ANKRD27: variants seen among roughly 807,000 people sequenced by gnomAD.
ANKRD27 encodes the protein ankyrin repeat domain-containing protein 27.
ANKRD27 carries 112 observed loss-of-function variants against 129.7 expected under a neutral mutation model. The observed-to-expected ratio is 0.86, with a 90% confidence interval of 0.74 to 1.01. The LOEUF (loss-of-function observed/expected upper bound fraction) is 1.01. Among genes scored for constraint, ANKRD27 ranks in the 50% least tolerant of loss-of-function variants. The pLI, the probability that ANKRD27 is intolerant of heterozygous loss-of-function variation, is 0.00. For synonymous variants in ANKRD27, 516 were observed against 511.2 expected (o/e 1.01, Z -0.13); for missense variants, 1,258 against 1,300.5 (o/e 0.97, Z 0.50).
chr19:32,639,539 C>T, intron 11 of ANKRD27, 51 bp from the exon 12 acceptor site: 4 of 1,577,426 alleles, frequency 2.5e-6, no homozygotes, highest in Non-Finnish European at 3.4e-6. Flanking sequence ...AGTCACACTT[C>T]TGCAAAAAAA....
rs1254207510 is a variant in ANKRD27, at chr19:32,665,522, T to C, written c.-30-6477A>G. ...TCACCCAGGCTGGAGTACAGTGGCA[T>C]GATCTTGACTCACAGCAAGCTCTGC... On this transcript the variant is annotated intron_variant, in intron 1 of 28. Coordinates refer to ENST00000306065, the MANE Select transcript of ANKRD27 (RefSeq NM_032139.3). 4.0e-5 allele frequency among the ~76,000 whole-genome samples: 6 copies of C among 151,154 alleles called. No individual in the cohort carries two copies. In the South Asian group the frequency reaches 1.0e-3, roughly 26 times the overall value.
chr19:32,671,548 A>T (rs1967870850), intron 1 of ANKRD27, among the ~76,000 whole-genome samples: 1 of 151,920 alleles, frequency 6.6e-6, no homozygotes. Flanking sequence ...AAATACAATT[A>T]GCTGGTTGTG....
intron 23 of ANKRD27, 72 bp from the exon 24 acceptor site, chr19:32,606,026 A>AAACT: frequency 8.0e-7 from 1 of 1,250,670 alleles, no homozygotes; most frequent in Non-Finnish European, 1.1e-6. Flanking sequence ...AAAATTATGA[A>AAACT]AAATAAATAA....
At chr19:32,640,106 T>G (rs943445875) in intron 11 of ANKRD27, among the ~76,000 whole-genome samples, 4 of 152,114 alleles carry the variant, frequency 2.6e-5, no homozygotes, top group African/African-American at 9.7e-5. Context: ...GGACTACAGG[T>G]GCCCACCACC....
intron 10 of ANKRD27, among the ~76,000 whole-genome samples, chr19:32,641,393 T>G (rs898216315): frequency 1.3e-5 from 2 of 152,152 alleles, no homozygotes; most frequent in Non-Finnish European, 2.9e-5. Context: ...TTCCATTTTA[T>G]AGACATGGAG....
At chr19:32,628,382 C>A (rs1262564446) in intron 14 of ANKRD27, among the ~76,000 whole-genome samples, 3 of 152,200 alleles carry the variant, frequency 2.0e-5, no homozygotes, top group African/African-American at 7.2e-5. Context: ...TAGGCCTCCA[C>A]ACCCAGCAAA....
intron 1 of ANKRD27, among the ~76,000 whole-genome samples, chr19:32,662,770 C>T (rs1056236772): frequency 1.3e-5 from 2 of 151,968 alleles, no homozygotes; most frequent in African/African-American, 2.4e-5. Context: ...AGGCCAGGCA[C>T]GGTGGCTCAC....
chr19:32,644,185 T>C (rs1368954764), intron 5 of ANKRD27, 140 bp downstream of exon 5: 2 of 1,051,078 alleles, frequency 1.9e-6, no homozygotes, highest in East Asian at 2.4e-5. Context: ...AAACTACTTT[T>C]ATAGTTAGAG....
At chr19:32,653,546 T>C (rs1301058493) in intron 2 of ANKRD27, among the ~76,000 whole-genome samples, 2 of 152,118 alleles carry the variant, frequency 1.3e-5, no homozygotes, top group East Asian at 3.9e-4. Flanking sequence ...AGGTGACTTT[T>C]AGAAGCAGTG....
intron 17 of ANKRD27, 49 bp from the exon 18 acceptor site, chr19:32,622,668 G>C (rs118160494): frequency 1.3e-6 from 2 of 1,590,178 alleles, no homozygotes; most frequent in Non-Finnish European, 1.7e-6. Flanking sequence ...ACCAAGCCTC[G>C]ACAAGGTCCG....
chr19:32,610,916 G>A (rs1971825856), intron 22 of ANKRD27, among the ~76,000 whole-genome samples: 1 of 152,192 alleles, frequency 6.6e-6, no homozygotes, highest in Non-Finnish European at 1.5e-5. Context: ...GGAGTCCCAA[G>A]CTGTAAGTGA....
rs747877941 is a variant in ANKRD27, at chr19:32,642,125, T to C, written c.803A>G (p.Lys268Arg). 1.2e-6 allele frequency: 2 copies of C among 1,607,280 alleles called. No homozygotes were observed. Among genetic ancestry groups the C allele is most frequent in the East Asian group, 4.5e-5 (2 of 44,708 alleles). ...TTTGTTCAGCTGAGCCAGCTCTCTT[T>C]TGGCACGAGGTATGTTAAAGCTGTA... ...PEFSFNIPRA[K>R]RELAQLNKCT... The change falls in exon 10 of 29, where the codon AAA (lysine) becomes AGA (arginine). Residue 268 changes from lysine (K) to arginine (R), a missense_variant. Physicochemically the swap from Lys to Arg is conservative, Grantham distance 26 (BLOSUM62 2). Transcript: ENST00000306065.
intron 21 of ANKRD27, among the ~76,000 whole-genome samples, chr19:32,617,245 A>C (rs1193919528): frequency 1.3e-5 from 2 of 152,170 alleles, no homozygotes; most frequent in African/African-American, 4.8e-5. Context: ...GCTTTTTATA[A>C]TAAAAAGCAC....
chr19:32,659,408 C>A (rs1398753651), intron 1 of ANKRD27, among the ~76,000 whole-genome samples: 1 of 152,014 alleles, frequency 6.6e-6, no homozygotes, highest in Non-Finnish European at 1.5e-5. Flanking sequence ...TAAAGAGTAT[C>A]CTCCAAATAA....
At chr19:32,657,234 C>T (rs534297174) in intron 2 of ANKRD27, among the ~76,000 whole-genome samples, 1 of 151,954 alleles carries the variant, frequency 6.6e-6, no homozygotes, top group East Asian at 1.9e-4. Context: ...GGGGCCGAGG[C>T]GGGTGGATCA....
intron 5 of ANKRD27, 101 bp downstream of exon 5, chr19:32,644,224 T>C (rs1666072556): frequency 1.5e-6 from 2 of 1,323,526 alleles, no homozygotes; most frequent in Non-Finnish European, 2.1e-6. Flanking sequence ...CTTCAAACAG[T>C]GAGGCAGCAC....
intron 17 of ANKRD27, among the ~76,000 whole-genome samples, chr19:32,623,534 A>T (rs1296063744): frequency 6.7e-6 from 1 of 150,188 alleles, no homozygotes; most frequent in Non-Finnish European, 1.5e-5. Flanking sequence ...GTGTGGGTCC[A>T]TGAAAAGAGA....
At chr19:32,611,404 G>A (rs748175427) in intron 22 of ANKRD27, among the ~76,000 whole-genome samples, 3 of 152,170 alleles carry the variant, frequency 2.0e-5, no homozygotes, top group Non-Finnish European at 4.4e-5. Context: ...AGGGGGCCAG[G>A]TCAAAAGGTG....
chr19:32,666,348 C>G (rs1167330911), intron 1 of ANKRD27: 1 of 152,210 alleles, frequency 6.6e-6, no homozygotes, highest in Non-Finnish European at 1.5e-5. Context: ...ACCATCAGAA[C>G]TGGGACTTCT....
Sources: gnomAD v4.1 joint callset for allele counts (sites outside exome capture counted in the v4.1 genomes callset) on GRCh38, gnomAD v4.1.1 for gene constraint, MANE v1.5 for transcripts, NCBI Gene and HGNC (gene_info 2026-07-23, HGNC 2026-07-21) for gene names.